SEMA3A: variants seen among roughly 807,000 people sequenced by gnomAD.
SEMA3A encodes the protein semaphorin 3A, also known as semaphorin-3A.
SEMA3A carries 29 observed loss-of-function variants against 97.9 expected under a neutral mutation model. That is an observed-to-expected ratio of 0.30 (90% confidence interval 0.22 to 0.40). The LOEUF is 0.40. SEMA3A is among the 10% of genes least tolerant of loss of function. The pLI is 1.00. For synonymous variants in SEMA3A, 321 were observed against 323.7 expected (o/e 0.99, Z 0.09); for missense variants, 763 against 951.3 (o/e 0.80, Z 2.60).
intron 1 of SEMA3A, among the ~76,000 whole-genome samples, chr7:84,455,316 T>C (rs950941004): frequency 1.3e-5 from 2 of 151,994 alleles, no homozygotes; most frequent in Non-Finnish European, 2.9e-5. Context: ...ATACTTGCAA[T>C]GCATTCTTTT....
At chr7:84,471,600 A>G (rs1224593760) in intron 1 of SEMA3A, among the ~76,000 whole-genome samples, 1 of 152,054 alleles carries the variant, frequency 6.6e-6, no homozygotes, top group East Asian at 1.9e-4. Context: ...CAGGTTTTTG[A>G]GGGACAAAAA....
intron 3 of SEMA3A, among the ~76,000 whole-genome samples, chr7:84,213,026 C>G (rs1230447575): frequency 1.3e-5 from 2 of 152,092 alleles, no homozygotes; most frequent in Admixed American, 1.3e-4. Context: ...TGCAATGGCT[C>G]TATCTTGGCT....
intron 2 of SEMA3A, among the ~76,000 whole-genome samples, chr7:84,316,683 T>C (rs1801511393): frequency 6.6e-6 from 1 of 152,176 alleles, no homozygotes; most frequent in South Asian, 2.1e-4. Flanking sequence ...GATATTTTTA[T>C]AAAGTGGATT....
chr7:84,464,656 A>C (rs1805945460), intron 1 of SEMA3A, among the ~76,000 whole-genome samples: 2 of 152,194 alleles, frequency 1.3e-5, no homozygotes, highest in Non-Finnish European at 2.9e-5. Context: ...GTTTTAAGCT[A>C]AATAGTAATA....
Position 84,095,358 on chromosome 7 carries a change from C to CACACACATATATATATATATATATAT in SEMA3A, c.453+15111_453+15112insATATATATATATATATATATGTGTGT, listed in dbSNP as rs1211794166. ...ATATATATTTTATATTTTTTATATA[C>CACACACATATATATATATATATATAT]ATATATATATATATATATATATATA... On this transcript the variant is annotated intron_variant, in intron 4 of 16. Transcript: ENST00000265362. Among the ~76,000 whole-genome samples the CACACACATATATATATATATATATAT allele has an allele frequency of 5.5e-4, 67 of 122,882 alleles. 1 individual carries two copies. Among genetic ancestry groups the CACACACATATATATATATATATATAT allele is most frequent in the African/African-American group, 2.3e-3 (66 of 29,000 alleles). 80.6% of individuals were successfully genotyped at this position (122,882 alleles called of 152,430 possible).
intron 3 of SEMA3A, among the ~76,000 whole-genome samples, chr7:84,244,061 T>A (rs530905014): frequency 6.6e-6 from 1 of 152,330 alleles, no homozygotes; most frequent in East Asian, 1.9e-4. Flanking sequence ...CTGAGAAGAA[T>A]GTATATTCTG....
intron 4 of SEMA3A, among the ~76,000 whole-genome samples, chr7:84,087,140 C>T (rs370136749): frequency 1.3e-5 from 2 of 152,012 alleles, no homozygotes; most frequent in East Asian, 1.9e-4. Flanking sequence ...GTTGTTGCAT[C>T]CATTTATACA....
intron 1 of SEMA3A, among the ~76,000 whole-genome samples, chr7:84,419,441 G>A (rs1804526669): frequency 6.6e-6 from 1 of 151,348 alleles, no homozygotes; most frequent in African/African-American, 2.4e-5. Flanking sequence ...AGAGCTTTCA[G>A]CAAAATTAGA....
At chr7:84,288,471 A>G (rs1331291884) in intron 3 of SEMA3A, among the ~76,000 whole-genome samples, 1 of 152,054 alleles carries the variant, frequency 6.6e-6, no homozygotes, top group Non-Finnish European at 1.5e-5. Flanking sequence ...GCCAAGGCGG[A>G]TGGATCACTT....
intron 3 of SEMA3A, among the ~76,000 whole-genome samples, chr7:84,240,930 T>A (rs554343750): frequency 6.6e-6 from 1 of 152,176 alleles, no homozygotes; most frequent in Admixed American, 6.5e-5. Context: ...TCAAAGAACA[T>A]GAATTCATCC....
At chr7:84,372,924 T>C (rs1803006915) in intron 1 of SEMA3A, among the ~76,000 whole-genome samples, 1 of 152,164 alleles carries the variant, frequency 6.6e-6, no homozygotes, top group South Asian at 2.1e-4. Flanking sequence ...GCTATGAATT[T>C]CATCATGAGA....
At chr7:84,096,272 G>C (rs1358002453) in intron 4 of SEMA3A, among the ~76,000 whole-genome samples, 1 of 151,932 alleles carries the variant, frequency 6.6e-6, no homozygotes, top group African/African-American at 2.4e-5. Flanking sequence ...TAACTAATTC[G>C]AGTTTAAATT....
intron 1 of SEMA3A, among the ~76,000 whole-genome samples, chr7:84,411,463 C>T (rs1804263437): frequency 6.6e-6 from 1 of 151,674 alleles, no homozygotes; most frequent in African/African-American, 2.4e-5. Flanking sequence ...ATGGTGTTTC[C>T]AAAATATCAG....
At chr7:84,412,179 C>G (rs1804288413) in intron 1 of SEMA3A, among the ~76,000 whole-genome samples, 1 of 152,116 alleles carries the variant, frequency 6.6e-6, no homozygotes, top group South Asian at 2.1e-4. Flanking sequence ...GGAGGCTGTG[C>G]TAACCACATA....
chr7:84,358,802 T>G (rs1014036169), intron 2 of SEMA3A, among the ~76,000 whole-genome samples: 3 of 152,174 alleles, frequency 2.0e-5, no homozygotes, highest in African/African-American at 7.2e-5. Flanking sequence ...TTGTATCCTC[T>G]TTTATTTTGT....
chr7:84,080,378 TA>T (rs200289253), intron 4 of SEMA3A, among the ~76,000 whole-genome samples: 5 of 150,442 alleles, frequency 3.3e-5, no homozygotes, highest in African/African-American at 4.9e-5. Flanking sequence ...AGAGACTACC[TA>T]AAAAAAAATA....
At chr7:84,152,995 C>A (rs1009941874) in intron 1 of SEMA3A, among the ~76,000 whole-genome samples, 1 of 152,036 alleles carries the variant, frequency 6.6e-6, no homozygotes, top group Non-Finnish European at 1.5e-5. Context: ...ATGACTTCCA[C>A]TTAAAAATAC....
intron 1 of SEMA3A, among the ~76,000 whole-genome samples, chr7:84,394,812 A>T (rs1046566716): frequency 5.9e-5 from 9 of 152,198 alleles, no homozygotes; most frequent in Non-Finnish European, 1.0e-4. Context: ...AAAGAGCTAC[A>T]TAAAATGTAA....
chr7:83,978,745 C>A (rs1478194655), intron 14 of SEMA3A, among the ~76,000 whole-genome samples: 1 of 152,114 alleles, frequency 6.6e-6, no homozygotes, highest in African/African-American at 2.4e-5. Flanking sequence ...GAAACACGAA[C>A]TACAAAGCAT....
Sources: gnomAD v4.1 joint callset for allele counts (sites outside exome capture counted in the v4.1 genomes callset) on GRCh38, gnomAD v4.1.1 for gene constraint, MANE v1.5 for transcripts, NCBI Gene and HGNC (gene_info 2026-07-23, HGNC 2026-07-21) for gene names.